Variants in PPARA observed in about 807,000 individuals in gnomAD.
The protein encoded by PPARA is peroxisome proliferator activated receptor alpha, also known as peroxisome proliferator-activated receptor alpha.
In PPARA, 22 loss-of-function variants were observed where a neutral mutation model predicts 42.2. The ratio of observed to expected loss-of-function variants is 0.52; its 90% CI spans 0.37 to 0.74. The LOEUF is 0.74. PPARA is among the 30% of genes least tolerant of loss of function. The probability of loss-of-function intolerance (pLI) is 0.00; values close to 1 mark genes in which losing one functional copy is unlikely to be tolerated. For missense variants in PPARA, 465 were observed against 608.2 expected (o/e 0.76, Z 2.48); for synonymous variants, 242 against 239.3 (o/e 1.01, Z -0.10).
In PPARA at chr22:46,183,039, C is replaced by T. The variant is rs190358770; in HGVS notation, c.-43+6203C>T. The stretch of plus-strand genomic sequence containing the variant: ...GGATTATAGGCATGAGCCACAGCAC[C>T]GGGCCCATAAAGCTGTCTTTTAAAT... On this transcript the variant is annotated intron_variant, in intron 3 of 8. Coordinates refer to ENST00000407236, the MANE Select transcript of PPARA (RefSeq NM_005036.6). This position sits in a 1 kb window ranked among gnomAD's most constrained non-coding sequence, Gnocchi z 5.5. Among the ~76,000 whole-genome samples, 25 of 152,260 alleles carry T rather than the reference C, an allele frequency of 1.6e-4. No individual in the cohort carries two copies. Among genetic ancestry groups the T allele is most frequent in the Admixed American group, 1.4e-3 (21 of 15,294 alleles).
Position 46,219,945 on chromosome 22 carries a change from C to G in PPARA, c.642C>G (p.Tyr214Ter). The G allele has an allele frequency of 6.2e-7, 1 of 1,614,232 alleles. No homozygotes were observed. Among genetic ancestry groups the G allele is most frequent in the Non-Finnish European group, 8.5e-7 (1 of 1,180,044 alleles). Residue 214 changes from tyrosine to a stop codon, truncating the protein, a stop_gained, in exon 7 of 9, where the codon TAC becomes TAG. Coordinates refer to ENST00000407236, the MANE Select transcript of PPARA (RefSeq NM_005036.6). LOFTEE classifies it high-confidence loss of function. This position sits in a 1 kb window ranked among gnomAD's most constrained non-coding sequence, Gnocchi z 4.8. ...TGGCCAAGAGAATCTACGAGGCCTA[C>G]TTGAAGAACTTCAACATGAACAAGG... Reference protein sequence around the residue: ...KSLAKRIYEAYLKNFNMNKVK... With the variant: ...KSLAKRIYEA
chr22:46,175,548 C>T (rs1302713195), intron 2 of PPARA, among the ~76,000 whole-genome samples: 2 of 151,868 alleles, frequency 1.3e-5, no homozygotes, highest in Non-Finnish European at 2.9e-5. Context: ...CCCATCTCTA[C>T]TAAAAAATAC....
chr22:46,201,252 G>A (rs555260671), intron 4 of PPARA, among the ~76,000 whole-genome samples: 3 of 152,164 alleles, frequency 2.0e-5, no homozygotes, highest in Admixed American at 6.5e-5. Context: ...GCATGATCGC[G>A]CCTTGTAAAA....
rs998591849 is a variant in PPARA at position 46,163,249 on chromosome 22, A to G, written c.-127+11279A>G. 1 of 152,244 alleles carries G rather than the reference A, an allele frequency of 6.6e-6. No individual in the cohort carries two copies. Among genetic ancestry groups the G allele is most frequent in the African/African-American group, 2.4e-5 (1 of 41,460 alleles). 9.4% of individuals were successfully genotyped at this position (152,244 alleles called of 1,614,324 possible). A position where few individuals can be genotyped will look rare whatever the true frequency, so the allele number is the denominator to read the frequency against. ...GGGGAGGAAAGAGTGAATACAAATT[A>G]TCCAAGAAACTCAAGAGCTCATTTT... On this transcript the variant is annotated intron_variant, in intron 2 of 8. Transcript: ENST00000407236. This position sits in a 1 kb window ranked among gnomAD's most constrained non-coding sequence, Gnocchi z 4.9.
At chr22:46,218,130 T>C in intron 5 of PPARA, 133 bp from the exon 6 acceptor site, 1 of 1,240,362 alleles carries the variant, frequency 8.1e-7, no homozygotes, top group South Asian at 1.3e-5. Context: ...ATGCCTGGCC[T>C]GGAATAACTT....
rs1217862552 is a variant in PPARA, at chr22:46,161,996, C to T, written c.-127+10026C>T. On this transcript the variant is annotated intron_variant, in intron 2 of 8. Coordinates refer to ENST00000407236, the MANE Select transcript of PPARA (RefSeq NM_005036.6). This position sits in a 1 kb window ranked among gnomAD's most constrained non-coding sequence, Gnocchi z 4.8. ...GTGTGTCTGATTCTGAGCTGTCCTG[C>T]GTTTTCCCCTCCCCTCACCCTGGCG... Among the ~76,000 whole-genome samples, 3 of 152,134 alleles carry T rather than the reference C, an allele frequency of 2.0e-5. No homozygotes were observed. The highest frequency in any genetic ancestry group is 2.9e-5 in the Non-Finnish European group (2 of 68,018).
At position 46,219,329 on chromosome 22, in the gene PPARA, C is replaced by A. The variant is rs1934804485; in HGVS notation, c.509-483C>A. Reference sequence around the variant, plus strand: ...CCTCGTCCATAGGAAGGGTGTACCACCTCAAACATCTCACCACGTTATGAA... The same window carrying A: ...CCTCGTCCATAGGAAGGGTGTACCAACTCAAACATCTCACCACGTTATGAA... On this transcript the variant is annotated intron_variant, in intron 6 of 8. Coordinates refer to ENST00000407236, the MANE Select transcript of PPARA (RefSeq NM_005036.6). The surrounding 1 kb of genome is among the most constrained non-coding windows in gnomAD (Gnocchi z 4.8). Among the ~76,000 whole-genome samples the A allele has an allele frequency of 6.6e-6, 1 of 152,158 alleles. No individual in the cohort carries two copies. The highest frequency in any genetic ancestry group is 1.5e-5 in the Non-Finnish European group (1 of 68,028).
Position 46,165,652 on chromosome 22 carries a change from C to T in PPARA, c.-126-11101C>T, listed in dbSNP as rs938393940. ...CCCAGGAGTACAGGTGACCTGGAAA[C>T]GGATCAGCGTAATCGAGGACTGAAG... On this transcript the variant is annotated intron_variant, in intron 2 of 8. Coordinates refer to ENST00000407236, the MANE Select transcript of PPARA (RefSeq NM_005036.6). This position sits in a 1 kb window ranked among gnomAD's most constrained non-coding sequence, Gnocchi z 5.5. Among the ~76,000 whole-genome samples, 7 of 152,186 alleles carry T rather than the reference C, an allele frequency of 4.6e-5. No individual in the cohort carries two copies. Among genetic ancestry groups the T allele is most frequent in the East Asian group, 3.8e-4 (2 of 5,200 alleles).
intron 3 of PPARA, among the ~76,000 whole-genome samples, chr22:46,177,870 A>G (rs1200824807): frequency 6.6e-6 from 1 of 152,224 alleles, no homozygotes; most frequent in Non-Finnish European, 1.5e-5. Context: ...CCAGTGAGAT[A>G]TATCAGAATC....
rs564292819 is a variant in PPARA at position 46,236,273 on chromosome 22, G to A, written c.*893G>A. ...AAACAAACAAACAAAAAAAAAATCT[G>A]TTAGATAAGCTATCAAAATGCAGCT... On this transcript the variant is annotated 3_prime_UTR_variant, in exon 9 of 9. Coordinates refer to ENST00000407236, the MANE Select transcript of PPARA (RefSeq NM_005036.6). This position sits in a 1 kb window ranked among gnomAD's most constrained non-coding sequence, Gnocchi z 5.2. 6.6e-6 allele frequency: 1 copy of A among 152,664 alleles called. No homozygotes were observed. Among genetic ancestry groups the A allele is most frequent in the East Asian group, 1.9e-4 (1 of 5,184 alleles). The allele number at this position is 152,664 out of a possible 1,614,324, so 9.5% of individuals were successfully genotyped here.
At chr22:46,207,726 G>A (rs5767617) in intron 4 of PPARA, among the ~76,000 whole-genome samples, 20 of 128,300 alleles carry the variant, frequency 1.6e-4, no homozygotes, top group Admixed American at 4.7e-4. Flanking sequence ...CGCTGATGCC[G>A]AGGCTGGAGT....
At chr22:46,168,180 A>G (rs894735387) in intron 2 of PPARA, among the ~76,000 whole-genome samples, 10 of 149,392 alleles carry the variant, frequency 6.7e-5, no homozygotes, top group East Asian at 5.8e-4. Flanking sequence ...GTGAAACCCC[A>G]TCTCTACTAA....
chr22:46,220,413 C>G (rs1934906722), intron 7 of PPARA: 1 of 299,790 alleles, frequency 3.3e-6, no homozygotes, highest in African/African-American at 2.2e-5. Context: ...CTCCTGGGCT[C>G]AAGCAATCCT....
chr22:46,184,679 A>T lies in PPARA; in HGVS notation c.-43+7843A>T, dbSNP rs1375497876. Among the ~76,000 whole-genome samples the T allele has an allele frequency of 1.3e-5, 2 of 152,078 alleles. No homozygotes were observed. Among genetic ancestry groups the T allele is most frequent in the Non-Finnish European group, 2.9e-5 (2 of 68,012 alleles). Reference sequence around the variant, plus strand: ...AGACCAGCCTGGCCAATATGGCAAAACCTCTTCTCTACAAAAAATACAAAA... The same window carrying T: ...AGACCAGCCTGGCCAATATGGCAAATCCTCTTCTCTACAAAAAATACAAAA... On this transcript the variant is annotated intron_variant, in intron 3 of 8. Coordinates refer to ENST00000407236, the MANE Select transcript of PPARA (RefSeq NM_005036.6). The surrounding 1 kb of genome is among the most constrained non-coding windows in gnomAD (Gnocchi z 4.4).
At chr22:46,197,882 C>T (rs1006444675) in intron 3 of PPARA, among the ~76,000 whole-genome samples, 1 of 150,404 alleles carries the variant, frequency 6.6e-6, no homozygotes, top group Non-Finnish European at 1.5e-5. Flanking sequence ...CCAGCCTGGG[C>T]GACAAGAGCA....
chr22:46,226,967 C>T (rs1203837944), intron 7 of PPARA, among the ~76,000 whole-genome samples: 1 of 152,082 alleles, frequency 6.6e-6, no homozygotes, highest in Non-Finnish European at 1.5e-5. Context: ...GGAATTCCAA[C>T]ATTATTCTTA....
At position 46,239,520 on chromosome 22, in the gene PPARA, G is replaced by C. The variant is rs921632574; in HGVS notation, c.*4140G>C. 8.1e-5 allele frequency: 11 copies of C among 135,580 alleles called. No individual in the cohort carries two copies. The highest frequency in any genetic ancestry group is 1.4e-4 in the Non-Finnish European group (9 of 62,298). 8.4% of individuals were successfully genotyped at this position (135,580 alleles called of 1,614,324 possible). On this transcript the variant is annotated 3_prime_UTR_variant, in exon 9 of 9. Coordinates refer to ENST00000407236, the MANE Select transcript of PPARA (RefSeq NM_005036.6). Reference sequence around the variant, plus strand: ...TCGTATGACGTCTGGAAGGAACTTCGGTTGTGTAAAGGGAGCCTTGAAGAT... The same window carrying C: ...TCGTATGACGTCTGGAAGGAACTTCCGTTGTGTAAAGGGAGCCTTGAAGAT...
At position 46,223,479 on chromosome 22, in the gene PPARA, CTA is replaced by C. The variant is rs539816692; in HGVS notation, c.711+3466_711+3467del. 2.9e-3 allele frequency among the ~76,000 whole-genome samples: 443 copies of C among 151,790 alleles called. 4 individuals are homozygous for C. Among genetic ancestry groups the C allele is most frequent in the African/African-American group, 0.01 (423 of 41,342 alleles). The stretch of plus-strand genomic sequence containing the variant: ...CCAATATGGTGAAACCCCGTCTCTA[CTA>C]AAAATACAAAAATTAGCTAGGCATG... On this transcript the variant is annotated intron_variant, in intron 7 of 8. Coordinates refer to ENST00000407236, the MANE Select transcript of PPARA (RefSeq NM_005036.6).
chr22:46,156,716 C>T lies in PPARA; in HGVS notation c.-127+4746C>T, dbSNP rs1925349707. ...TCCCGGGTTCAAGCAATTCTCCCAC[C>T]TCAGCCTCCTAAGTAGCTGGGACTA... On this transcript the variant is annotated intron_variant, in intron 2 of 8. Transcript: ENST00000407236. This position sits in a 1 kb window ranked among gnomAD's most constrained non-coding sequence, Gnocchi z 5.2. The T allele has an allele frequency of 6.6e-6, 1 of 152,320 alleles. No individual in the cohort carries two copies. The highest frequency in any genetic ancestry group is 2.4e-5 in the African/African-American group (1 of 41,450). 9.4% of individuals were successfully genotyped at this position (152,320 alleles called of 1,614,324 possible). A position where few individuals can be genotyped will look rare whatever the true frequency, so the allele number is the denominator to read the frequency against.
Sources: gnomAD v4.1 joint callset for allele counts (sites outside exome capture counted in the v4.1 genomes callset) on GRCh38, gnomAD v4.1.1 for gene constraint, Gnocchi (gnomAD v3.1) non-coding constraint, MANE v1.5 for transcripts, NCBI Gene and HGNC (gene_info 2026-07-23, HGNC 2026-07-21) for gene names.